The following TANC1 variants were observed in gnomAD, a reference collection of about 807,000 sequenced individuals.
TANC1 encodes tetratricopeptide repeat, ankyrin repeat and coiled-coil containing 1.
In TANC1, 77 loss-of-function variants were observed where a neutral mutation model predicts 149.7. The observed-to-expected ratio is 0.51, with a 90% CI of 0.43 to 0.62. TANC1 has a LOEUF of 0.62. Ranked by LOEUF, TANC1 falls within the 20% of genes least tolerant of loss-of-function variation. TANC1 has a pLI of 0.00. For synonymous variants in TANC1, 854 were observed against 925.0 expected (o/e 0.92, Z 1.39); for missense variants, 1,985 against 2,321.8 (o/e 0.85, Z 2.98).
At chr2:159,095,837 C>T (rs965041252) in intron 3 of TANC1, among the ~76,000 whole-genome samples, 1 of 126,902 alleles carries the variant, frequency 7.9e-6, no homozygotes, top group Non-Finnish European at 1.8e-5. Flanking sequence ...CCTCTTGACT[C>T]CTAACACAAA....
intron 2 of TANC1, among the ~76,000 whole-genome samples, chr2:159,041,682 C>T (rs967944275): frequency 2.0e-5 from 3 of 152,204 alleles, no homozygotes; most frequent in South Asian, 2.1e-4. Flanking sequence ...TTTCCAGGTA[C>T]AGTCTGCCAC....
At chr2:159,150,206 A>G in intron 6 of TANC1, 164 bp from the exon 7 acceptor site, 2 of 577,214 alleles carry the variant, frequency 3.5e-6, no homozygotes, top group African/African-American at 1.9e-5. Context: ...TTATATAGAT[A>G]AAGCTCCATG....
chr2:158,993,125 T>G (rs1328192131), intron 1 of TANC1, among the ~76,000 whole-genome samples: 1 of 152,110 alleles, frequency 6.6e-6, no homozygotes, highest in African/African-American at 2.4e-5. Context: ...TGTAGGTAAA[T>G]ATGAGCAGTT....
At chr2:159,151,214 C>G (rs910368001) in intron 7 of TANC1, among the ~76,000 whole-genome samples, 2 of 152,134 alleles carry the variant, frequency 1.3e-5, no homozygotes, top group African/African-American at 4.8e-5. Context: ...TTGATTAATC[C>G]AGTAGTTTTC....
chr2:158,994,108 T>C (rs2035928313), intron 1 of TANC1, among the ~76,000 whole-genome samples: 1 of 152,212 alleles, frequency 6.6e-6, no homozygotes, highest in Non-Finnish European at 1.5e-5. Context: ...TAATGGAGAT[T>C]ATAACTATCA....
At chr2:159,056,151 T>C (rs775292364) in intron 2 of TANC1, 20 of 251,474 alleles carry the variant, frequency 8.0e-5, no homozygotes, top group Non-Finnish European at 1.5e-4. Flanking sequence ...GGCTCAAACA[T>C]GCACTTTTGA....
chr2:159,201,575 C>G (rs2058251837), intron 19 of TANC1, among the ~76,000 whole-genome samples: 1 of 152,146 alleles, frequency 6.6e-6, no homozygotes, highest in Non-Finnish European at 1.5e-5. Context: ...GCATCCTGTT[C>G]TCGTTTGGTC....
chr2:159,015,635 G>T (rs1241609270), intron 2 of TANC1, among the ~76,000 whole-genome samples: 3 of 152,092 alleles, frequency 2.0e-5, no homozygotes, highest in Non-Finnish European at 4.4e-5. Flanking sequence ...TATAAAACTG[G>T]ATGCCTTTAA....
At chr2:159,211,316 G>A (rs762388118) in intron 19 of TANC1, among the ~76,000 whole-genome samples, 8 of 152,234 alleles carry the variant, frequency 5.3e-5, no homozygotes, top group Non-Finnish European at 7.3e-5. Context: ...AGAAGAAATT[G>A]TGTCCAATTT....
intron 1 of TANC1, among the ~76,000 whole-genome samples, chr2:158,988,923 G>A (rs1241187059): frequency 6.6e-6 from 1 of 152,084 alleles, no homozygotes; most frequent in Non-Finnish European, 1.5e-5. Flanking sequence ...ATTTCCTGGG[G>A]CGACTGTATC....
intron 4 of TANC1, among the ~76,000 whole-genome samples, chr2:159,102,316 G>A (rs1206427766): frequency 6.6e-6 from 1 of 151,882 alleles, no homozygotes; most frequent in Non-Finnish European, 1.5e-5. Context: ...GTCTTGCTGT[G>A]TCACCCAGGC....
In TANC1 at chr2:159,230,386, G is replaced by T. The variant is rs201655824; in HGVS notation, c.4960G>T (p.Val1654Leu). 8.7e-6 allele frequency: 14 copies of T among 1,614,014 alleles called. No homozygotes were observed. The African/African-American group carries it at 1.7e-4, about 20-fold the overall frequency. Residue 1654 changes from valine (V) to leucine (L), a missense_variant, in exon 27 of 27, where the codon GTG becomes TTG. Val to Leu is a conservative substitution (Grantham distance 32). Coordinates refer to ENST00000263635, the MANE Select transcript of TANC1 (RefSeq NM_033394.3). The surrounding 1 kb of genome is among the most constrained non-coding windows in gnomAD (Gnocchi z 4.4). ...AGGTGGGCTGGCGACCTGCAGCGAC[G>T]TGCGACACCCAGCTTCCCTCACCAG... is the stretch of plus-strand genomic sequence containing the variant. ...NQGGLATCSD[V>L]RHPASLTSSG... is the part of the protein sequence containing the mutation.
chr2:159,178,676 C>T lies in TANC1; in HGVS notation c.2023C>T (p.Leu675Phe). 6.2e-7 allele frequency: 1 copy of T among 1,614,184 alleles called. No individual in the cohort carries two copies. Among genetic ancestry groups the T allele is most frequent in the Non-Finnish European group, 8.5e-7 (1 of 1,180,028 alleles). ...CAGGGTGCACAGCAGCCAGGACATCCTCAGCAACATCTCCCTGAATGGCAA... is the reference window on the plus strand; with the variant it reads ...CAGGGTGCACAGCAGCCAGGACATCTTCAGCAACATCTCCCTGAATGGCAA... ...QHRVHSSQDI[L>F]SNISLNGKAD... Residue 675 changes from leucine (L) to phenylalanine (F), a missense_variant, in exon 14 of 27, where the codon CTC (leucine) becomes TTC (phenylalanine). Transcript: ENST00000263635.
rs116365082 is a variant in TANC1, at chr2:159,045,146, T to C, written c.-15-20750T>C. Among the ~76,000 whole-genome samples, 1,451 of 152,306 alleles carry C rather than the reference T, an allele frequency of 9.5e-3. 12 individuals are homozygous for C. Among genetic ancestry groups the C allele is most frequent in the Middle Eastern group, 0.037 (11 of 294 alleles). On this transcript the variant is annotated intron_variant, in intron 2 of 26. Transcript: ENST00000263635. Reference sequence around the variant, plus strand: ...TTTAAAGTTCCACAAGAGGTGATAGTGTATATCATGAAGTAAGATAGCCAC... The same window carrying C: ...TTTAAAGTTCCACAAGAGGTGATAGCGTATATCATGAAGTAAGATAGCCAC...
intron 3 of TANC1, among the ~76,000 whole-genome samples, chr2:159,073,742 CTT>C (rs2043375805): frequency 6.6e-6 from 1 of 152,140 alleles, no homozygotes; most frequent in Admixed American, 6.5e-5. Context: ...AAAGTTTCAT[CTT>C]TGCTTTTCCA....
chr2:159,007,233 G>A lies in TANC1; in HGVS notation c.-16+6044G>A, dbSNP rs188311864. The stretch of plus-strand genomic sequence containing the variant: ...GCGATCTTGGCTCACCGCAACCACC[G>A]CCTCCCTGGTTCAAGCGATTCTTCT... On this transcript the variant is annotated intron_variant, in intron 2 of 26. Transcript: ENST00000263635. Among the ~76,000 whole-genome samples the A allele has an allele frequency of 7.7e-4, 98 of 128,008 alleles. 2 individuals are homozygous for A. In the East Asian group the frequency reaches 0.022, roughly 29 times the overall value. The allele number at this position is 128,008 out of a possible 152,430, so 84.0% of individuals were successfully genotyped here.
intron 4 of TANC1, among the ~76,000 whole-genome samples, chr2:159,110,914 C>T (rs1031548178): frequency 3.3e-5 from 5 of 152,192 alleles, no homozygotes; most frequent in Non-Finnish European, 5.9e-5. Context: ...TCCTTCGGGG[C>T]TTTGTTCCCT....
chr2:159,196,981 C>T (rs934057979), intron 18 of TANC1, among the ~76,000 whole-genome samples, 188 bp downstream of exon 18: 4 of 152,218 alleles, frequency 2.6e-5, no homozygotes, highest in Non-Finnish European at 5.9e-5. Flanking sequence ...CCTATGCACA[C>T]GTGATGGGGA....
At chr2:159,207,883 C>T (rs907945026) in intron 19 of TANC1, among the ~76,000 whole-genome samples, 3 of 151,896 alleles carry the variant, frequency 2.0e-5, no homozygotes, top group Non-Finnish European at 4.4e-5. Flanking sequence ...TATGGAGGAC[C>T]AAGAGCATCG....
Sources: gnomAD v4.1 joint callset for allele counts (sites outside exome capture counted in the v4.1 genomes callset) on GRCh38, gnomAD v4.1.1 for gene constraint, Gnocchi (gnomAD v3.1) non-coding constraint, MANE v1.5 for transcripts, NCBI Gene and HGNC (gene_info 2026-07-23, HGNC 2026-07-21) for gene names.